The following PRICKLE1 variants were observed in gnomAD, a reference collection of about 807,000 sequenced individuals.
The protein encoded by PRICKLE1 is prickle planar cell polarity protein 1.
PRICKLE1 carries 14 observed loss-of-function variants against 70.2 expected under a neutral mutation model. That is an observed-to-expected ratio of 0.20 (90% confidence interval 0.13 to 0.31). The LOEUF (loss-of-function observed/expected upper bound fraction) is 0.31, where lower values mean the gene tolerates loss of function less well. PRICKLE1 is among the 10% of genes least tolerant of loss of function. The pLI is 1.00. For missense variants in PRICKLE1, 821 were observed against 1,026.2 expected, an observed-to-expected ratio of 0.80 and a Z score of 2.73; for synonymous variants, 357 against 379.9, an observed-to-expected ratio of 0.94 and a Z score of 0.70.
At position 42,468,662 on chromosome 12, in the gene PRICKLE1, T is replaced by G; in HGVS notation, c.552A>C (p.Ala184=). The G allele has an allele frequency of 3.1e-6, 5 of 1,614,132 alleles. No homozygotes were observed. The highest frequency in any genetic ancestry group is 4.2e-6 in the Non-Finnish European group (5 of 1,179,994). Residue 184 remains alanine (A), a synonymous_variant, in exon 5 of 8, where the codon GCA becomes GCC. Coordinates refer to ENST00000345127, the MANE Select transcript of PRICKLE1 (RefSeq NM_153026.3). ...CTGAGCACCGTGGTTTGAGCAGTTC[T>G]GCATGGTGCCTGCCACAGTGAATTT... ...DGKIHCGRHH[A]ELLKPRCSAC...
intron 7 of PRICKLE1, 73 bp from the exon 8 acceptor site, chr12:42,460,738 TGAAAG>T: frequency 6.5e-7 from 1 of 1,540,856 alleles, no homozygotes; most frequent in Non-Finnish European, 8.9e-7. Context: ...AGTAAGCTAC[TGAAAG>T]GAAATATTTC....
At chr12:42,501,896 G>A (rs1055763607) in intron 1 of PRICKLE1, among the ~76,000 whole-genome samples, 6 of 152,162 alleles carry the variant, frequency 3.9e-5, no homozygotes, top group Non-Finnish European at 8.8e-5. Context: ...AACTGCTAGT[G>A]CATTATCTGT....
At chr12:42,539,258 G>C (rs1052763550) in intron 1 of PRICKLE1, among the ~76,000 whole-genome samples, 1 of 152,042 alleles carries the variant, frequency 6.6e-6, no homozygotes, top group Non-Finnish European at 1.5e-5. Flanking sequence ...ACGAGGTCAG[G>C]AGATCGAGAC....
At chr12:42,585,606 T>C (rs1940974173) in intron 1 of PRICKLE1, among the ~76,000 whole-genome samples, 1 of 152,124 alleles carries the variant, frequency 6.6e-6, no homozygotes, top group Admixed American at 6.5e-5. Context: ...GTGCCAGAAG[T>C]GTCATGACAT....
chr12:42,460,724 T>A (rs1937796921), intron 7 of PRICKLE1, 59 bp from the exon 8 acceptor site: 1 of 1,571,402 alleles, frequency 6.4e-7, no homozygotes, highest in Non-Finnish European at 8.7e-7. Flanking sequence ...CGACAGTACT[T>A]AAAAGTAAGC....
chr12:42,505,137 TCAAAAAACAAAAAA>T (rs968230745), intron 1 of PRICKLE1, among the ~76,000 whole-genome samples: 45 of 152,162 alleles, frequency 3.0e-4, no homozygotes, highest in African/African-American at 1.0e-3. Context: ...AGACTCCATC[TCAAAAAACAAAAAA>T]CAAAAAACAA....
chr12:42,552,975 T>G (rs7134699), intron 1 of PRICKLE1, among the ~76,000 whole-genome samples: 66,783 of 151,640 alleles, frequency 0.44, 15,645 homozygotes, highest in East Asian at 0.64. Flanking sequence ...ATGCTGCAGC[T>G]GATCTGACAG....
Position 42,527,705 on chromosome 12 carries a change from T to C in PRICKLE1, c.-48-55141A>G, listed in dbSNP as rs566268740. On this transcript the variant is annotated intron_variant, in intron 1 of 7. Transcript: ENST00000345127. ...TGGTGGGCTGGGTCTCAGAATTACA[T>C]GCATCTTCTAAATCCCTCTGTGCCC... is the stretch of plus-strand genomic sequence containing the variant. Among the ~76,000 whole-genome samples, 3 of 152,146 alleles carry C rather than the reference T, an allele frequency of 2.0e-5. No homozygotes were observed. The South Asian group carries it at 6.2e-4, about 32-fold the overall frequency.
At position 42,493,266 on chromosome 12, in the gene PRICKLE1, C is replaced by T. The variant is rs112168274; in HGVS notation, c.-48-20702G>A. Among the ~76,000 whole-genome samples, 6 of 152,238 alleles carry T rather than the reference C, an allele frequency of 3.9e-5. No homozygotes were observed. The East Asian group carries it at 7.7e-4, about 20-fold the overall frequency. ...AAGGATAAATGCTTGAGGTGACGGA[C>T]ACTCCATTCTCCATGATATGATTAC... is the stretch of plus-strand genomic sequence containing the variant. On this transcript the variant is annotated intron_variant, in intron 1 of 7. Coordinates refer to ENST00000345127, the MANE Select transcript of PRICKLE1 (RefSeq NM_153026.3).
At chr12:42,547,796 G>A (rs931957092) in intron 1 of PRICKLE1, among the ~76,000 whole-genome samples, 11 of 152,132 alleles carry the variant, frequency 7.2e-5, no homozygotes, top group Non-Finnish European at 1.5e-4. Flanking sequence ...GGAAAATCAA[G>A]GTTACACATT....
At chr12:42,476,699 GC>G (rs1938549911) in intron 1 of PRICKLE1, among the ~76,000 whole-genome samples, 2 of 152,110 alleles carry the variant, frequency 1.3e-5, no homozygotes, top group African/African-American at 4.8e-5. Context: ...AGGCTGGAGT[GC>G]AGTGGCACAA....
chr12:42,530,931 A>C (rs1033978555), intron 1 of PRICKLE1, among the ~76,000 whole-genome samples: 2 of 151,720 alleles, frequency 1.3e-5, no homozygotes, highest in Non-Finnish European at 2.9e-5. Context: ...TCGGCCTCCC[A>C]AAATGCTGGG....
intron 1 of PRICKLE1, among the ~76,000 whole-genome samples, chr12:42,534,224 A>C (rs1939978382): frequency 6.6e-6 from 1 of 152,212 alleles, no homozygotes; most frequent in East Asian, 1.9e-4. Context: ...AGTCCTCTCC[A>C]TTGACAATGG....
intron 1 of PRICKLE1, among the ~76,000 whole-genome samples, chr12:42,547,705 C>T (rs1249381152): frequency 6.6e-6 from 1 of 152,218 alleles, no homozygotes; most frequent in Non-Finnish European, 1.5e-5. Context: ...GATAAACCCA[C>T]TTCCAAGGTT....
chr12:42,572,379 T>C (rs971677339), intron 1 of PRICKLE1, among the ~76,000 whole-genome samples: 1 of 151,510 alleles, frequency 6.6e-6, no homozygotes, highest in Admixed American at 6.6e-5. Flanking sequence ...GAGGTTGCAG[T>C]GAGCCGAGAT....
intron 1 of PRICKLE1, among the ~76,000 whole-genome samples, chr12:42,563,471 G>A (rs572250370): frequency 2.0e-5 from 3 of 151,542 alleles, no homozygotes; most frequent in Admixed American, 6.6e-5. Flanking sequence ...AGGCCGAGGC[G>A]GGCAGACCAC....
chr12:42,575,083 T>C (rs1940782228), intron 1 of PRICKLE1, among the ~76,000 whole-genome samples: 1 of 151,962 alleles, frequency 6.6e-6, no homozygotes, highest in Non-Finnish European at 1.5e-5. Context: ...AAGCATAATA[T>C]TCATTACATA....
rs1236952212 is a variant in PRICKLE1, at chr12:42,466,178, C to G, written c.775+16G>C. On this transcript the variant is annotated intron_variant, in intron 6 of 7. Transcript: ENST00000345127. The stretch of plus-strand genomic sequence containing the variant: ...ATGGCTAGGTGACAGGGCAGACGGG[C>G]TGGCTGTGGACTTACCAATATGTTC... 6.2e-7 allele frequency: 1 copy of G among 1,613,576 alleles called. No individual in the cohort carries two copies. Among genetic ancestry groups the G allele is most frequent in the South Asian group, 1.1e-5 (1 of 91,074 alleles).
intron 1 of PRICKLE1, among the ~76,000 whole-genome samples, chr12:42,532,563 T>C (rs1939937794): frequency 6.6e-6 from 1 of 152,236 alleles, no homozygotes; most frequent in Non-Finnish European, 1.5e-5. Context: ...ATGTAATCAA[T>C]ATAAAAATTA....
Sources: gnomAD v4.1 joint callset for allele counts (sites outside exome capture counted in the v4.1 genomes callset) on GRCh38, gnomAD v4.1.1 for gene constraint, MANE v1.5 for transcripts, NCBI Gene and HGNC (gene_info 2026-07-23, HGNC 2026-07-21) for gene names.